Variants in DOCK6 observed in about 807,000 individuals in gnomAD.
The protein encoded by DOCK6 is dedicator of cytokinesis protein 6.
Under a neutral mutation model 230.3 loss-of-function variants are expected in DOCK6, and 167 were observed. The ratio of observed to expected loss-of-function variants is 0.73; its 90% CI spans 0.64 to 0.82. DOCK6 has a LOEUF of 0.82. Ranked by LOEUF, DOCK6 falls within the 40% of genes least tolerant of loss-of-function variation. The pLI is 0.00. For synonymous variants in DOCK6, 1,148 were observed against 1,185.0 expected, an observed-to-expected ratio of 0.97 and a Z score of 0.64; for missense variants, 2,598 against 2,825.8, an observed-to-expected ratio of 0.92 and a Z score of 1.83.
intron 21 of DOCK6, among the ~76,000 whole-genome samples, chr19:11,234,347 T>C (rs2079814143): frequency 2.0e-5 from 3 of 151,290 alleles, no homozygotes; most frequent in South Asian, 4.2e-4. Context: ...TCTCAGGTGA[T>C]CCACTTGCCT....
intron 28 of DOCK6, among the ~76,000 whole-genome samples, chr19:11,220,231 G>C (rs1036815530): frequency 6.6e-6 from 1 of 152,110 alleles, no homozygotes; most frequent in African/African-American, 2.4e-5. Context: ...TGGGATTACA[G>C]GTATGAACCA....
intron 39 of DOCK6, 79 bp from the exon 40 acceptor site, chr19:11,204,410 G>A: frequency 6.4e-7 from 1 of 1,550,692 alleles, no homozygotes; most frequent in Non-Finnish European, 8.8e-7. Flanking sequence ...TCTCCCTTGT[G>A]AGCCTCCGTG....
chr19:11,201,966 T>G lies in DOCK6; in HGVS notation c.5611A>C (p.Lys1871Gln). The G allele has an allele frequency of 3.7e-6, 6 of 1,613,664 alleles. No individual in the cohort carries two copies. The highest frequency in any genetic ancestry group is 5.1e-6 in the Non-Finnish European group (6 of 1,179,740). The change falls in exon 44 of 48, where the codon AAG becomes CAG. Residue 1871 changes from lysine (K) to glutamine (Q), a missense_variant. Transcript: ENST00000294618. This position sits in a 1 kb window ranked among gnomAD's most constrained non-coding sequence, Gnocchi z 4.3. ...RAHGELPEQH[K>Q]RKTLLSTDHA... ...TCGGTGCTGAGCAGCGTCTTACGCT[T>G]GTGTTGCTCGGGCAGCTCCCCGTGT...
rs2079221548 is a variant in DOCK6 at position 11,204,290 on chromosome 19, G to T, written c.5130C>A (p.Leu1710=). Reference sequence around the variant, plus strand: ...CACGGTGGGCTTCCAGGATGGGGATGAGGTTCTTGTAGACCTCATTCACCG... The same window carrying T: ...CACGGTGGGCTTCCAGGATGGGGATTAGGTTCTTGTAGACCTCATTCACCG... ...YEAVNEVYKN[L]IPILEAHRDY... is the part of the protein sequence containing the mutation. Residue 1710 remains leucine, a synonymous_variant, in exon 40 of 48, where the codon CTC becomes CTA. Transcript: ENST00000294618. 1 of 1,609,058 alleles carries T rather than the reference G, an allele frequency of 6.2e-7. No homozygotes were observed. Among genetic ancestry groups the T allele is most frequent in the South Asian group, 1.1e-5 (1 of 90,152 alleles).
At chr19:11,237,263 G>A (rs965293625) in intron 18 of DOCK6, 193 bp downstream of exon 18, 3 of 648,106 alleles carry the variant, frequency 4.6e-6, no homozygotes, top group South Asian at 1.8e-5. Flanking sequence ...GGAGCAGAGA[G>A]GCAATGGGAA....
At chr19:11,258,948 G>A (rs570604085) in intron 1 of DOCK6, among the ~76,000 whole-genome samples, 11 of 150,070 alleles carry the variant, frequency 7.3e-5, no homozygotes, top group African/African-American at 2.7e-4. Context: ...GTAGAGATGG[G>A]GTTTCACCAT....
In DOCK6 at chr19:11,239,630, C is replaced by A. The variant is rs541132639; in HGVS notation, c.1644-1326G>T. 10 of 1,613,692 alleles carry A rather than the reference C, an allele frequency of 6.2e-6. No homozygotes were observed. In the South Asian group the frequency reaches 1.1e-4, roughly 18 times the overall value. The stretch of plus-strand genomic sequence containing the variant: ...ACAGTGCTGTGGCTATACCTTAGAC[C>A]CTCAGTCATGCCAGTGCCTGCTCTG... On this transcript the variant is annotated intron_variant, in intron 14 of 47. Transcript: ENST00000294618.
At chr19:11,234,220 G>A (rs762045980) in intron 21 of DOCK6, among the ~76,000 whole-genome samples, 9 of 151,648 alleles carry the variant, frequency 5.9e-5, no homozygotes, top group East Asian at 1.9e-4. Flanking sequence ...GGATGGTCTC[G>A]ATCTGTTGAC....
Position 11,209,022 on chromosome 19 carries a change from G to GCCCAGCTCCGCGTGCTTC in DOCK6, c.4815_4832dup (p.Lys1606_Gly1611dup). On this transcript the variant is annotated inframe_insertion, in exon 38 of 48. Transcript: ENST00000294618. Reference sequence around the variant, plus strand: ...TGCACTGGGCGGCCTCGGCGTGGTTGCCCAGCTCCGCGTGCTTCCCGGCCA... The same window carrying GCCCAGCTCCGCGTGCTTC: ...TGCACTGGGCGGCCTCGGCGTGGTTGCCCAGCTCCGCGTGCTTCCCCAGCTCCGCGTGCTTCCCGGCCA... 2.5e-6 allele frequency: 4 copies of GCCCAGCTCCGCGTGCTTC among 1,611,908 alleles called. No homozygotes were observed. Among genetic ancestry groups the GCCCAGCTCCGCGTGCTTC allele is most frequent in the Non-Finnish European group, 2.5e-6 (3 of 1,179,290 alleles).
rs1318220070 is a variant in DOCK6, at chr19:11,222,825, G to T, written c.3150C>A (p.Ser1050Arg). Reference protein sequence around the residue: ...LRMEFTRILCSHEHYVTLNLP... With the variant: ...LRMEFTRILCRHEHYVTLNLP... ...GGTTGAGGGTCACGTAGTGCTCGTG[G>T]CTGCACAGGATGCGGGTGAATTCCA... Residue 1050 changes from serine (S) to arginine (R), a missense_variant, in exon 26 of 48, where the codon AGC (serine) becomes AGA (arginine). Physicochemically the swap from Ser to Arg is moderately radical, Grantham distance 110. Transcript: ENST00000294618. The surrounding 1 kb of genome is among the most constrained non-coding windows in gnomAD (Gnocchi z 4.0). The T allele has an allele frequency of 2.5e-6, 4 of 1,598,704 alleles. No homozygotes were observed. The highest frequency in any genetic ancestry group is 3.5e-5 in the Admixed American group (2 of 56,902).
chr19:11,214,559 G>T lies in DOCK6; in HGVS notation c.4197C>A (p.Ile1399=). 6.2e-7 allele frequency: 1 copy of T among 1,613,874 alleles called. No homozygotes were observed. The highest frequency in any genetic ancestry group is 8.5e-7 in the Non-Finnish European group (1 of 1,179,860). ...ATGCTGGATCAAGCCCTACCTGCAC[G>T]ATGATCTCCAGTGTGTCCAGAACCA... is the stretch of plus-strand genomic sequence containing the variant. ...SLVVLDTLEI[I]VQTVMLSEAR... Residue 1399 remains isoleucine (I), a synonymous_variant, in exon 33 of 48, where the codon ATC becomes ATA. Coordinates refer to ENST00000294618, the MANE Select transcript of DOCK6 (RefSeq NM_020812.4).
intron 30 of DOCK6, 141 bp downstream of exon 30, chr19:11,216,773 A>G: frequency 1.2e-6 from 1 of 837,674 alleles, no homozygotes; most frequent in South Asian, 1.6e-5. Flanking sequence ...GCACAGAAAC[A>G]GTCCACCCCT....
Position 11,238,051 on chromosome 19 carries a change from T to C in DOCK6, c.1826A>G (p.His609Arg), listed in dbSNP as rs2079879270. The C allele has an allele frequency of 3.7e-6, 6 of 1,613,860 alleles. No individual in the cohort carries two copies. Among genetic ancestry groups the C allele is most frequent in the Non-Finnish European group, 4.2e-6 (5 of 1,179,830 alleles). Residue 609 changes from histidine to arginine, a missense_variant, in exon 16 of 48, where the codon CAT becomes CGT. Transcript: ENST00000294618. ...TREAFTPVVY[H>R]NKSPEFYEEF... is the part of the protein sequence containing the mutation. ...CACGTGTCCCCCTACATACTTGTTA[T>C]GGTAGACCACCGGTGTGAAGGCCTC... is the stretch of plus-strand genomic sequence containing the variant.
chr19:11,204,366 G>T (rs760077052), intron 39 of DOCK6, 35 bp from the exon 40 acceptor site: 13 of 1,602,804 alleles, frequency 8.1e-6, no homozygotes, highest in African/African-American at 1.3e-5. Context: ...TCCCCAAACT[G>T]TCTTCCTCTC....
chr19:11,216,325 C>G (rs1244326609), intron 30 of DOCK6, among the ~76,000 whole-genome samples: 1 of 152,122 alleles, frequency 6.6e-6, no homozygotes, highest in Non-Finnish European at 1.5e-5. Flanking sequence ...TGGGCTCAAG[C>G]AGTTTGCCTG....
intron 32 of DOCK6, 108 bp from the exon 33 acceptor site, chr19:11,214,757 C>T: frequency 1.0e-6 from 1 of 985,296 alleles, no homozygotes; most frequent in Non-Finnish European, 1.5e-6. Context: ...TCCCTGGAAG[C>T]TGTTCTGTTT....
intron 28 of DOCK6, among the ~76,000 whole-genome samples, chr19:11,219,188 T>TC (rs1478039867): frequency 3.2e-5 from 4 of 124,954 alleles, no homozygotes; most frequent in African/African-American, 1.3e-4. Context: ...TTTTTTTTTT[T>TC]TTTTTTTTTT....
At chr19:11,254,728 C>T (rs139604563) in intron 1 of DOCK6, among the ~76,000 whole-genome samples, 24 of 151,860 alleles carry the variant, frequency 1.6e-4, no homozygotes, top group African/African-American at 5.5e-4. Flanking sequence ...GGGCAAGACT[C>T]GCAGTAGAGG....
At chr19:11,210,340 G>C (rs1186915926) in intron 37 of DOCK6, among the ~76,000 whole-genome samples, 1 of 144,272 alleles carries the variant, frequency 6.9e-6, no homozygotes, top group South Asian at 2.2e-4. Flanking sequence ...CCCTTCACCT[G>C]TCTCCTTATC....
Sources: gnomAD v4.1 joint callset for allele counts (sites outside exome capture counted in the v4.1 genomes callset) on GRCh38, gnomAD v4.1.1 for gene constraint, Gnocchi (gnomAD v3.1) non-coding constraint, MANE v1.5 for transcripts, NCBI Gene and HGNC (gene_info 2026-07-23, HGNC 2026-07-21) for gene names.